Variants in ZNF837 observed in about 807,000 individuals in gnomAD.
ZNF837 encodes the protein zinc finger protein 837.
For missense variants in ZNF837, 955 were observed against 801.7 expected (o/e 1.19, Z -2.31); for synonymous variants, 475 against 365.2 (o/e 1.30, Z -3.43).
At position 58,367,760 on chromosome 19, in the gene ZNF837, G is replaced by A; in HGVS notation, c.1573C>T (p.His525Tyr). 1 of 1,533,114 alleles carries A rather than the reference G, an allele frequency of 6.5e-7. No homozygotes were observed. The highest frequency in any genetic ancestry group is 8.7e-7 in the Non-Finnish European group (1 of 1,144,894). 95.0% of individuals were successfully genotyped at this position (1,533,114 alleles called of 1,614,324 possible). ...AGTCAAGGCGCGGCGCGGCCCCCGT[G>A]CCGCTTCCGGTGCTCGTTGAGGTTG... ...RSNLNEHRKR[H>Y]GGRAAP Residue 525 changes from histidine to tyrosine, a missense_variant, in exon 3 of 3, where the codon CAC becomes TAC. By Grantham distance (83) the His-to-Tyr change is moderately conservative (BLOSUM62 2). Coordinates refer to ENST00000597582, the MANE Select transcript of ZNF837 (RefSeq NM_138466.2).
Position 58,367,923 on chromosome 19 carries a change from C to A in ZNF837, c.1410G>T (p.Ser470=). 3 of 1,533,424 alleles carry A rather than the reference C, an allele frequency of 2.0e-6. No homozygotes were observed. Among genetic ancestry groups the A allele is most frequent in the Non-Finnish European group, 2.6e-6 (3 of 1,143,820 alleles). 95.0% of individuals were successfully genotyped at this position (1,533,424 alleles called of 1,614,324 possible). A position where few individuals can be genotyped will look rare whatever the true frequency, so the allele number is the denominator to read the frequency against. Residue 470 remains serine, a synonymous_variant, in exon 3 of 3, where the codon TCG becomes TCT. Transcript: ENST00000597582. ...SELRQHERLH[S]GEKPYICRDC... ...CGCGGCAGATGTAGGGCTTCTCGCC[C>A]GAGTGCAGGCGCTCGTGCTGGCGCA...
At chr19:58,374,790 C>T (rs1432617395) in intron 1 of ZNF837, among the ~76,000 whole-genome samples, 10 of 151,836 alleles carry the variant, frequency 6.6e-5, no homozygotes, top group East Asian at 5.8e-4. Flanking sequence ...AAAAATTAGC[C>T]GGGTGTGGTG....
In ZNF837 at chr19:58,368,981, G is replaced by A. The variant is rs750185931; in HGVS notation, c.352C>T (p.Pro118Ser). 1.3e-6 allele frequency: 2 copies of A among 1,528,404 alleles called. No individual in the cohort carries two copies. The highest frequency in any genetic ancestry group is 1.8e-6 in the Non-Finnish European group (2 of 1,134,388). 94.7% of individuals were successfully genotyped at this position (1,528,404 alleles called of 1,614,324 possible). A position where few individuals can be genotyped will look rare whatever the true frequency, so the allele number is the denominator to read the frequency against. ...CTGCTGCAGTCCCCGCCACGCGCTG[G>A]GCTCCTACAGGGGCCCTCCCGGGCT... ...LQAREGPCRS[P>S]ARGGDCSRNS... Residue 118 changes from proline to serine, a missense_variant, in exon 3 of 3, where the codon CCA becomes TCA. Transcript: ENST00000597582.
At chr19:58,376,126 C>T (rs2052243179) in intron 1 of ZNF837, among the ~76,000 whole-genome samples, 1 of 151,918 alleles carries the variant, frequency 6.6e-6, no homozygotes, top group African/African-American at 2.4e-5. Context: ...ACCCTGTTGG[C>T]CTGGCTGGTC....
In ZNF837 at chr19:58,368,540, G is replaced by C. The variant is rs762663353; in HGVS notation, c.793C>G (p.Pro265Ala). 1 of 1,540,532 alleles carries C rather than the reference G, an allele frequency of 6.5e-7. No homozygotes were observed. The highest frequency in any genetic ancestry group is 1.2e-5 in the South Asian group (1 of 83,624). ...TSRPRPIVPD[P>A]PAQRLYACDE... The stretch of plus-strand genomic sequence containing the variant: ...CAAGCGTACAGTCGCTGGGCCGGGG[G>C]GTCGGGGACAATAGGGCGAGGTCGC... The change falls in exon 3 of 3, where the codon CCC (proline) becomes GCC (alanine). Residue 265 changes from proline to alanine, a missense_variant. Coordinates refer to ENST00000597582, the MANE Select transcript of ZNF837 (RefSeq NM_138466.2).
At position 58,368,576 on chromosome 19, in the gene ZNF837, C is replaced by A. The variant is rs1191271666; in HGVS notation, c.757G>T (p.Gly253Cys). Reference protein sequence around the residue: ...GKSPPVCPECGQTSRPRPIVP... With the variant: ...GKSPPVCPECCQTSRPRPIVP... ...ATAGGGCGAGGTCGCGAGGTTTGGCCGCACTCAGGACACACTGGGGGACTC... is the reference window on the plus strand; with the variant it reads ...ATAGGGCGAGGTCGCGAGGTTTGGCAGCACTCAGGACACACTGGGGGACTC... The change falls in exon 3 of 3, where the codon GGC becomes TGC. Residue 253 changes from glycine to cysteine, a missense_variant. Gly to Cys is a radical substitution (Grantham distance 159). Coordinates refer to ENST00000597582, the MANE Select transcript of ZNF837 (RefSeq NM_138466.2). 1 of 1,536,280 alleles carries A rather than the reference C, an allele frequency of 6.5e-7. No individual in the cohort carries two copies. The highest frequency in any genetic ancestry group is 1.2e-5 in the South Asian group (1 of 83,668).
rs540681940 is a variant in ZNF837 at position 58,368,513 on chromosome 19, C to A, written c.820G>T (p.Asp274Tyr). The A allele has an allele frequency of 8.4e-6, 13 of 1,547,110 alleles. No homozygotes were observed. The East Asian group carries it at 2.4e-4, about 29-fold the overall frequency. The change falls in exon 3 of 3, where the codon GAC becomes TAC. Residue 274 changes from aspartate (D) to tyrosine (Y), a missense_variant. By Grantham distance (160) the Asp-to-Tyr change is radical. Coordinates refer to ENST00000597582, the MANE Select transcript of ZNF837 (RefSeq NM_138466.2). ...DPPAQRLYAC[D>Y]ECGKAFTRTS... ...CGCGTGAAGGCCTTGCCGCACTCGT[C>A]GCAAGCGTACAGTCGCTGGGCCGGG...
chr19:58,367,818 G>T lies in ZNF837; in HGVS notation c.1515C>A (p.Cys505Ter). Residue 505 changes from cysteine (C) to a stop codon, truncating the protein, a stop_gained, in exon 3 of 3, where the codon TGC becomes TGA. Transcript: ENST00000597582. LOFTEE classifies it low-confidence loss of function (END_TRUNC). ...GGCTGAAGGCGCGGCCGCAATCTCC[G>T]CACGCGTAGGGCCGCTCGCCCGTGT... ...RTHTGERPYACGDCGRAFSQR... is the reference protein window; with the variant it reads ...RTHTGERPYA 6.5e-7 allele frequency: 1 copy of T among 1,536,442 alleles called. No homozygotes were observed.
In ZNF837 at chr19:58,369,192, C is replaced by A. The variant is rs1222586568; in HGVS notation, c.141G>T (p.Lys47Asn). Reference sequence around the variant, plus strand: ...CGCCCGCCGCTCCACGCAGGTCCCCCTTTTGAGTGGGGCGGCTCCCAGCTC... The same window carrying A: ...CGCCCGCCGCTCCACGCAGGTCCCCATTTTGAGTGGGGCGGCTCCCAGCTC... ...EDRAGSRPTQ[K>N]GDLRGAAGGR... Residue 47 changes from lysine to asparagine, a missense_variant, in exon 3 of 3, where the codon AAG (lysine) becomes AAT (asparagine). Transcript: ENST00000597582. 3 of 1,449,482 alleles carry A rather than the reference C, an allele frequency of 2.1e-6. No homozygotes were observed. The highest frequency in any genetic ancestry group is 1.8e-6 in the Non-Finnish European group (2 of 1,101,864). The allele number at this position is 1,449,482 out of a possible 1,614,324, so 89.8% of individuals were successfully genotyped here. A position where few individuals can be genotyped will look rare whatever the true frequency, so the allele number is the denominator to read the frequency against.
intron 1 of ZNF837, among the ~76,000 whole-genome samples, chr19:58,376,554 C>A (rs1599926965): frequency 1.5e-5 from 1 of 67,768 alleles, no homozygotes; most frequent in East Asian, 3.2e-4. Context: ...GACTCTGTCT[C>A]AAAAAAAAAA....
At chr19:58,372,879 C>T (rs775405764) in intron 1 of ZNF837, among the ~76,000 whole-genome samples, 2 of 152,178 alleles carry the variant, frequency 1.3e-5, no homozygotes, top group African/African-American at 2.4e-5. Context: ...CAGCCAGGCC[C>T]GGTTCCTGCT....
chr19:58,380,520 G>A (rs979923131), intron 1 of ZNF837, among the ~76,000 whole-genome samples: 2 of 152,258 alleles, frequency 1.3e-5, no homozygotes, highest in African/African-American at 4.8e-5. Flanking sequence ...CTGTGAAGAG[G>A]GGGCATGAAA....
intron 1 of ZNF837, among the ~76,000 whole-genome samples, chr19:58,378,012 G>C (rs1568569423): frequency 1.3e-5 from 2 of 152,348 alleles, no homozygotes; most frequent in East Asian, 1.9e-4. Flanking sequence ...CTCTGTCTCT[G>C]AGCACTGCAG....
chr19:58,372,614 C>T (rs2052212153), intron 1 of ZNF837, among the ~76,000 whole-genome samples: 1 of 152,238 alleles, frequency 6.6e-6, no homozygotes, highest in African/African-American at 2.4e-5. Flanking sequence ...AAGCATTTAA[C>T]CAAGACTCTA....
rs768782350 is a variant in ZNF837, at chr19:58,368,325, G to A, written c.1008C>T (p.Ala336=). The change falls in exon 3 of 3, where the codon GCC becomes GCT. Residue 336 remains alanine, a synonymous_variant. Coordinates refer to ENST00000597582, the MANE Select transcript of ZNF837 (RefSeq NM_138466.2). ...HRRGPVLARR[A]FRLGCPPCGD... is the part of the protein sequence containing the mutation. ...CGCAGGGCGGGCACCCCAGCCGGAA[G>A]GCGCGCCGCGCCAGGACGGGGCCAC... The A allele has an allele frequency of 6.7e-7, 1 of 1,497,104 alleles. No individual in the cohort carries two copies. 92.7% of individuals were successfully genotyped at this position (1,497,104 alleles called of 1,614,324 possible).
At position 58,368,550 on chromosome 19, in the gene ZNF837, A is replaced by G. The variant is rs1398135073; in HGVS notation, c.783T>C (p.Ile261=). 6.5e-7 allele frequency: 1 copy of G among 1,538,970 alleles called. No homozygotes were observed. Among genetic ancestry groups the G allele is most frequent in the African/African-American group, 1.4e-5 (1 of 72,898 alleles). Residue 261 remains isoleucine (I), a synonymous_variant, in exon 3 of 3, where the codon ATT becomes ATC. Coordinates refer to ENST00000597582, the MANE Select transcript of ZNF837 (RefSeq NM_138466.2). ...GTCGCTGGGCCGGGGGGTCGGGGAC[A>G]ATAGGGCGAGGTCGCGAGGTTTGGC... The part of the protein sequence containing the change: ...ECGQTSRPRP[I]VPDPPAQRLY...
At chr19:58,369,958 T>TA (rs1455684569) in intron 1 of ZNF837, 30 bp from the exon 2 acceptor site, 4 of 152,188 alleles carry the variant, frequency 2.6e-5, no homozygotes, top group African/African-American at 7.2e-5. Context: ...ACGGTAAGTA[T>TA]AACCAGCTGA....
chr19:58,367,855 T>G lies in ZNF837; in HGVS notation c.1478A>C (p.His493Pro). The G allele has an allele frequency of 6.5e-7, 1 of 1,536,010 alleles. No individual in the cohort carries two copies. Among genetic ancestry groups the G allele is most frequent in the East Asian group, 2.5e-5 (1 of 40,742 alleles). ...AFVRNCSLVR[H>P]LRTHTGERPY... is the part of the protein sequence containing the mutation. ...CCGCTCGCCCGTGTGCGTGCGCAGG[T>G]GGCGCACCAGGCTGCAGTTGCGCAC... The change falls in exon 3 of 3, where the codon CAC becomes CCC. Residue 493 changes from histidine to proline, a missense_variant. Physicochemically the swap from His to Pro is moderately conservative, Grantham distance 77. Coordinates refer to ENST00000597582, the MANE Select transcript of ZNF837 (RefSeq NM_138466.2).
intron 1 of ZNF837, among the ~76,000 whole-genome samples, chr19:58,376,509 C>T (rs1276822149): frequency 8.7e-6 from 1 of 115,588 alleles, no homozygotes; most frequent in Non-Finnish European, 1.6e-5. Flanking sequence ...AAGTCAAAAT[C>T]AGGCCACTAC....
Sources: allele counts gnomAD v4.1 joint callset (sites outside exome capture counted in the v4.1 genomes callset), GRCh38; gene constraint gnomAD v4.1.1; transcripts MANE v1.5; gene names NCBI Gene and HGNC (gene_info 2026-07-23, HGNC 2026-07-21).